CNTNAP4: variants seen among roughly 807,000 people sequenced by gnomAD.
The protein encoded by CNTNAP4 is contactin-associated protein-like 4.
CNTNAP4 carries 98 observed loss-of-function variants against 148.4 expected under a neutral mutation model. The observed-to-expected ratio is 0.66, with a 90% CI of 0.56 to 0.78. CNTNAP4 has a LOEUF of 0.78. Ranked by LOEUF, CNTNAP4 falls within the 30% of genes least tolerant of loss-of-function variation. The pLI, the probability that CNTNAP4 is intolerant of heterozygous loss-of-function variation, is 0.00. For synonymous variants in CNTNAP4, 730 were observed against 565.1 expected, an observed-to-expected ratio of 1.29 and a Z score of -4.14; for missense variants, 1,935 against 1,565.6, an observed-to-expected ratio of 1.24 and a Z score of -3.98.
At chr16:76,539,195 A>AAT (rs1486973165) in intron 19 of CNTNAP4, among the ~76,000 whole-genome samples, 1 of 152,044 alleles carries the variant, frequency 6.6e-6, no homozygotes, top group African/African-American at 2.4e-5. Flanking sequence ...AGTAGTACTA[A>AAT]TTGTGATGGT....
chr16:76,374,760 T>TATTATTAG (rs1567908818), intron 3 of CNTNAP4, among the ~76,000 whole-genome samples: 1 of 72,448 alleles, frequency 1.4e-5, no homozygotes, highest in Non-Finnish European at 3.8e-5. Context: ...ATTATTATTA[T>TATTATTAG]TATTATTATT....
At chr16:76,498,721 G>GT (rs773014461) in intron 15 of CNTNAP4, 27 bp downstream of exon 15, 2 of 1,555,658 alleles carry the variant, frequency 1.3e-6, no homozygotes, top group African/African-American at 2.8e-5. Context: ...TGTTGAAACC[G>GT]TATTTGAGAA....
chr16:76,277,659 G>T lies in CNTNAP4; in HGVS notation c.-4G>T. ...TCTTTTGGGGGAGCCCAATAAATGT[G>T]AACATGGGATCTGTCACGGGAGCTG... On this transcript the variant is annotated 5_prime_UTR_variant, in exon 1 of 24. The change abolishes the stop of an existing upstream ORF in the 5' untranslated region. Coordinates refer to ENST00000611870, the MANE Select transcript of CNTNAP4 (RefSeq NM_033401.5). The T allele has an allele frequency of 1.9e-6, 3 of 1,597,030 alleles. No homozygotes were observed. Among genetic ancestry groups the T allele is most frequent in the Non-Finnish European group, 2.6e-6 (3 of 1,170,304 alleles).
At chr16:76,309,590 T>C (rs7201761) in intron 1 of CNTNAP4, among the ~76,000 whole-genome samples, 45,516 of 152,106 alleles carry the variant, frequency 0.3, 7,702 homozygotes, top group Non-Finnish European at 0.39. Context: ...ATTGGAAACA[T>C]GGGCAAAAAT....
intron 1 of CNTNAP4, chr16:76,309,936 C>A: frequency 1.4e-6 from 1 of 701,066 alleles, no homozygotes; most frequent in Non-Finnish European, 2.6e-6. Flanking sequence ...TTTTTCTTCC[C>A]CGTCTCGGGT....
intron 2 of CNTNAP4, among the ~76,000 whole-genome samples, chr16:76,354,131 T>C (rs946246179): frequency 3.3e-5 from 5 of 152,222 alleles, no homozygotes; most frequent in African/African-American, 9.6e-5. Flanking sequence ...ATATAATTGA[T>C]GTGGCATTTT....
intron 15 of CNTNAP4, among the ~76,000 whole-genome samples, chr16:76,505,181 A>T (rs1444847269): frequency 6.6e-6 from 1 of 152,176 alleles, no homozygotes; most frequent in Non-Finnish European, 1.5e-5. Flanking sequence ...TATTGGCTTT[A>T]TTCCATAGTC....
intron 2 of CNTNAP4, among the ~76,000 whole-genome samples, chr16:76,340,068 G>A (rs893196068): frequency 8.5e-5 from 13 of 152,114 alleles, no homozygotes; most frequent in African/African-American, 3.1e-4. Context: ...GGTTTTCTTA[G>A]GCTCCACTGT....
At chr16:76,547,006 G>T (rs2084767762) in intron 21 of CNTNAP4, among the ~76,000 whole-genome samples, 1 of 152,138 alleles carries the variant, frequency 6.6e-6, no homozygotes, top group Non-Finnish European at 1.5e-5. Flanking sequence ...TAGAGGATGG[G>T]GAAGAAAGCA....
At chr16:76,450,293 G>C in intron 7 of CNTNAP4, among the ~76,000 whole-genome samples, 1 of 152,022 alleles carries the variant, frequency 6.6e-6, no homozygotes, top group Non-Finnish European at 1.5e-5. Flanking sequence ...GGGACTTGTA[G>C]TCCTGCCAAC....
intron 2 of CNTNAP4, among the ~76,000 whole-genome samples, chr16:76,324,335 G>C (rs912518335): frequency 3.9e-5 from 6 of 152,138 alleles, no homozygotes; most frequent in African/African-American, 1.4e-4. Context: ...GATATTTTCA[G>C]TGCTGAGTAG....
intron 3 of CNTNAP4, among the ~76,000 whole-genome samples, chr16:76,405,790 A>G (rs1337301408): frequency 1.3e-5 from 2 of 151,952 alleles, no homozygotes; most frequent in African/African-American, 4.8e-5. Context: ...TTTTGGAAAC[A>G]TATGCATAGC....
intron 23 of CNTNAP4, among the ~76,000 whole-genome samples, chr16:76,554,922 G>A (rs987469637): frequency 1.3e-5 from 2 of 151,262 alleles, no homozygotes; most frequent in African/African-American, 4.9e-5. Context: ...TTAGCTTTTA[G>A]TTCTCTTTCC....
rs753551770 is a variant in CNTNAP4, at chr16:76,277,682, C to A, written c.20C>A (p.Ala7Asp). 1 of 1,605,412 alleles carries A rather than the reference C, an allele frequency of 6.2e-7. No individual in the cohort carries two copies. Among genetic ancestry groups the A allele is most frequent in the Non-Finnish European group, 8.5e-7 (1 of 1,175,516 alleles). Residue 7 changes from alanine (A) to aspartate (D), a missense_variant, in exon 1 of 24, where the codon GCT becomes GAT. Ala to Asp is a moderately radical substitution (Grantham distance 126, BLOSUM62 -2). Coordinates refer to ENST00000611870, the MANE Select transcript of CNTNAP4 (RefSeq NM_033401.5). MGSVTG[A>D]VLKTLLLLST... is the part of the protein sequence containing the mutation. ...GTGAACATGGGATCTGTCACGGGAG[C>A]TGTCCTCAAGACGCTACTTCTGTTA...
chr16:76,383,738 T>A (rs1289790224), intron 3 of CNTNAP4, among the ~76,000 whole-genome samples: 1 of 152,162 alleles, frequency 6.6e-6, no homozygotes, highest in South Asian at 2.1e-4. Flanking sequence ...AAAGATACAC[T>A]TTGAGATATT....
intron 17 of CNTNAP4, among the ~76,000 whole-genome samples, chr16:76,523,465 T>A (rs1255298404): frequency 6.6e-6 from 1 of 152,130 alleles, no homozygotes; most frequent in Admixed American, 6.6e-5. Context: ...CATGTGGCAT[T>A]TATAGGTTTG....
chr16:76,542,022 A>G (rs1188186239), intron 21 of CNTNAP4, among the ~76,000 whole-genome samples: 1 of 152,224 alleles, frequency 6.6e-6, no homozygotes, highest in Admixed American at 6.5e-5. Context: ...TTAGCATGAA[A>G]TGACGATTCT....
chr16:76,510,377 C>T (rs969405340), intron 15 of CNTNAP4, among the ~76,000 whole-genome samples: 2 of 152,088 alleles, frequency 1.3e-5, no homozygotes, highest in Non-Finnish European at 2.9e-5. Context: ...GGCTATACCA[C>T]ATTTTGTTTA....
intron 19 of CNTNAP4, among the ~76,000 whole-genome samples, chr16:76,539,385 A>G (rs775883695): frequency 4.6e-5 from 7 of 152,092 alleles, no homozygotes; most frequent in Non-Finnish European, 7.4e-5. Context: ...TATTATTGCA[A>G]TATTAAGCAA....
Sources: gnomAD v4.1 joint callset for allele counts (sites outside exome capture counted in the v4.1 genomes callset) on GRCh38, gnomAD v4.1.1 for gene constraint, MANE v1.5 for transcripts, NCBI Gene and HGNC (gene_info 2026-07-23, HGNC 2026-07-21) for gene names.